The following FGF13 variants were observed in gnomAD, a reference collection of about 807,000 sequenced individuals.
The protein encoded by FGF13 is fibroblast growth factor 13.
Under a neutral mutation model 19.5 loss-of-function variants are expected in FGF13, and 2 were observed. That is an observed-to-expected ratio of 0.10 (90% CI 0.04 to 0.32). The LOEUF (loss-of-function observed/expected upper bound fraction) is 0.32. Among genes scored for constraint, FGF13 ranks in the 10% least tolerant of loss-of-function variants. FGF13 has a pLI of 1.00. For synonymous variants in FGF13, 72 were observed against 76.9 expected (o/e 0.94, Z 0.33); for missense variants, 113 against 192.7 (o/e 0.59, Z 2.45).
intron 1 of FGF13, among the ~76,000 whole-genome samples, chrX:138,950,717 T>C (rs914806851): frequency 1.8e-5 from 2 of 111,922 alleles, no homozygotes; most frequent in African/African-American, 6.5e-5. Flanking sequence ...TAATCATATC[T>C]GTCATGTCTG....
intron 1 of FGF13, among the ~76,000 whole-genome samples, chrX:139,094,134 G>T (rs1346851213): frequency 9.0e-6 from 1 of 111,091 alleles, no homozygotes; most frequent in Non-Finnish European, 1.9e-5. Flanking sequence ...TGTTTTTTTA[G>T]ATGAATATCC....
At chrX:138,932,129 A>G (rs1275635197) in intron 1 of FGF13, among the ~76,000 whole-genome samples, 2 of 111,767 alleles carry the variant, frequency 1.8e-5, no homozygotes, top group African/African-American at 6.5e-5. Context: ...ATTGGATCCA[A>G]TGGAGTCGTC....
intron 1 of FGF13, among the ~76,000 whole-genome samples, chrX:138,921,742 C>T (rs1041897975): frequency 1.8e-5 from 2 of 110,838 alleles, no homozygotes; most frequent in Non-Finnish European, 3.8e-5. Context: ...ATTTCAAGGA[C>T]CTTTGAATCT....
At chrX:139,169,121 G>C (rs1319371671) in intron 1 of FGF13, among the ~76,000 whole-genome samples, 1 of 111,888 alleles carries the variant, frequency 8.9e-6, no homozygotes, top group African/African-American at 3.2e-5. Flanking sequence ...ATGTTTCATG[G>C]AGAATGAAGC....
intron 1 of FGF13, among the ~76,000 whole-genome samples, chrX:139,127,592 T>C (rs977064056): frequency 3.6e-5 from 4 of 111,706 alleles, no homozygotes; most frequent in Non-Finnish European, 5.6e-5. Flanking sequence ...TAGTACAGCA[T>C]GCCAATCGTA....
At chrX:138,651,264 G>A (rs2089369122) in intron 3 of FGF13, among the ~76,000 whole-genome samples, 1 of 112,038 alleles carries the variant, frequency 8.9e-6, no homozygotes, top group Non-Finnish European at 1.9e-5. Flanking sequence ...GAATAGGGAT[G>A]TTTAACTCTG....
At chrX:138,771,036 G>A (rs188356649) in intron 3 of FGF13, among the ~76,000 whole-genome samples, 2 of 111,568 alleles carry the variant, frequency 1.8e-5, no homozygotes, top group East Asian at 2.8e-4. Context: ...CCCAGGCCAC[G>A]GTGGGGGATT....
intron 1 of FGF13, among the ~76,000 whole-genome samples, chrX:138,876,957 T>C (rs1359400919): frequency 8.9e-6 from 1 of 112,551 alleles, no homozygotes; most frequent in Non-Finnish European, 1.9e-5. Flanking sequence ...AAAGTGTCGG[T>C]ACTATTTCTT....
At chrX:138,696,384 A>T (rs961159460) in intron 3 of FGF13, among the ~76,000 whole-genome samples, 2 of 112,145 alleles carry the variant, frequency 1.8e-5, no homozygotes, top group Non-Finnish European at 3.8e-5. Context: ...TTAGCGTGAT[A>T]AAAGTATTCT....
intron 1 of FGF13, among the ~76,000 whole-genome samples, chrX:138,977,508 G>T (rs1274827423): frequency 8.9e-6 from 1 of 112,515 alleles, no homozygotes; most frequent in African/African-American, 3.2e-5. Flanking sequence ...TTTTGCCACA[G>T]CTTGCAACTT....
intron 1 of FGF13, among the ~76,000 whole-genome samples, chrX:139,010,507 A>T (rs907693254): frequency 3.6e-5 from 4 of 112,082 alleles, no homozygotes; most frequent in African/African-American, 9.7e-5. Context: ...GGAACCCTCA[A>T]AACCATGCAA....
chrX:138,768,893 C>T (rs1229842949), intron 3 of FGF13, among the ~76,000 whole-genome samples: 2 of 108,826 alleles, frequency 1.8e-5, no homozygotes, highest in African/African-American at 6.7e-5. Flanking sequence ...CCTAGAGCCT[C>T]TGAGGGAAGA....
At chrX:138,958,536 A>G (rs1456973053) in intron 1 of FGF13, among the ~76,000 whole-genome samples, 2 of 111,926 alleles carry the variant, frequency 1.8e-5, no homozygotes, top group Non-Finnish European at 3.8e-5. Context: ...CTGGCCTCAT[A>G]AAAAGAGTTA....
At chrX:138,671,694 G>A (rs1025163362) in intron 3 of FGF13, among the ~76,000 whole-genome samples, 3 of 110,741 alleles carry the variant, frequency 2.7e-5, no homozygotes, top group Non-Finnish European at 5.7e-5. Flanking sequence ...AATCCTGACC[G>A]CCAAAAAATT....
intron 1 of FGF13, among the ~76,000 whole-genome samples, chrX:139,013,280 G>A (rs776355222): frequency 2.8e-5 from 3 of 108,742 alleles, no homozygotes; most frequent in Admixed American, 2.0e-4. Context: ...GGAAAACAGT[G>A]TGAAAATTCC....
chrX:139,180,931 T>C (rs1346012960), intron 1 of FGF13, among the ~76,000 whole-genome samples: 1 of 112,276 alleles, frequency 8.9e-6, no homozygotes, highest in African/African-American at 3.2e-5. Flanking sequence ...AGAGAACAGT[T>C]CCACAGTTTA....
chrX:138,704,446 T>G (rs1196296047), intron 2 of FGF13, among the ~76,000 whole-genome samples: 1 of 112,752 alleles, frequency 8.9e-6, no homozygotes, highest in Non-Finnish European at 1.9e-5. Flanking sequence ...GTTGATGATT[T>G]TGCCTTGTTT....
At chrX:139,193,800 A>G (rs765581224) in intron 1 of FGF13, among the ~76,000 whole-genome samples, 8 of 111,437 alleles carry the variant, frequency 7.2e-5, no homozygotes, top group Non-Finnish European at 1.5e-4. Flanking sequence ...AATAGAAAAT[A>G]TGACTAAACA....
At chrX:138,767,810 A>T (rs955740899) in intron 3 of FGF13, among the ~76,000 whole-genome samples, 1 of 112,355 alleles carries the variant, frequency 8.9e-6, no homozygotes, top group East Asian at 2.8e-4. Context: ...CAGTGTTCCC[A>T]TCTGTGAAAA....
Sources: gnomAD v4.1 joint callset for allele counts (sites outside exome capture counted in the v4.1 genomes callset) on GRCh38, gnomAD v4.1.1 for gene constraint, MANE v1.5 for transcripts, NCBI Gene and HGNC (gene_info 2026-07-23, HGNC 2026-07-21) for gene names.